The following SNRPN variants were observed in gnomAD, a reference collection of about 807,000 sequenced individuals.
SNRPN encodes the protein small nuclear ribonucleoprotein-associated protein N.
SNRPN carries 7 observed loss-of-function variants against 25.2 expected under a neutral mutation model. The ratio of observed to expected loss-of-function variants is 0.28; its 90% CI spans 0.16 to 0.52. The LOEUF is 0.52. Among genes scored for constraint, SNRPN ranks in the 20% least tolerant of loss-of-function variants. The pLI is 0.96. For synonymous variants in SNRPN, 124 were observed against 110.6 expected, an observed-to-expected ratio of 1.12 and a Z score of -0.76; for missense variants, 196 against 322.5, an observed-to-expected ratio of 0.61 and a Z score of 3.00.
At chr15:24,908,355 A>G (rs2058989905) in intron 2 of SNRPN, among the ~76,000 whole-genome samples, 1 of 152,196 alleles carries the variant, frequency 6.6e-6, no homozygotes, top group Non-Finnish European at 1.5e-5. Context: ...TTGGAAGTGC[A>G]TGCTAGAAGA....
In SNRPN at chr15:24,834,024, C is replaced by G. The variant is rs1247267162; in HGVS notation, c.-579+4119C>G. ...CACTGCAACCTCCACCTACCAGATT[C>G]AAGTGATTCTCTTGCCTCAGCCTCC... is the stretch of plus-strand genomic sequence containing the variant. On this transcript the variant is annotated intron_variant, in intron 2 of 12. Coordinates refer to the SNRPN transcript ENST00000400100. Among the ~76,000 whole-genome samples the G allele has an allele frequency of 3.3e-5, 5 of 152,230 alleles. No homozygotes were observed. The East Asian group carries it at 9.7e-4, about 29-fold the overall frequency.
At chr15:24,824,782 A>G (rs1251779296) in intron 1 of SNRPN, among the ~76,000 whole-genome samples, 1 of 140,796 alleles carries the variant, frequency 7.1e-6, no homozygotes, top group African/African-American at 2.6e-5. Context: ...CTAGATGGCA[A>G]GTAAAGATAG....
At chr15:24,885,059 A>G (rs2057076013) in intron 1 of SNRPN, among the ~76,000 whole-genome samples, 1 of 152,196 alleles carries the variant, frequency 6.6e-6, no homozygotes, top group Non-Finnish European at 1.5e-5. Flanking sequence ...TGAGAGCATG[A>G]CAAAATTTAC....
intron 1 of SNRPN, among the ~76,000 whole-genome samples, chr15:24,882,526 A>G (rs1036361683): frequency 2.0e-5 from 3 of 152,150 alleles, no homozygotes; most frequent in African/African-American, 7.2e-5. Context: ...CCCATCATAA[A>G]TTGAAAGTAT....
In SNRPN at chr15:24,897,763, C is replaced by T. The variant is rs372366319; in HGVS notation, c.-505+11174C>T. 7.9e-5 allele frequency among the ~76,000 whole-genome samples: 12 copies of T among 152,136 alleles called. No individual in the cohort carries two copies. The East Asian group carries it at 9.6e-4, about 12-fold the overall frequency. On this transcript the variant is annotated intron_variant, in intron 2 of 11. Coordinates refer to the SNRPN transcript ENST00000400097. Reference sequence around the variant, plus strand: ...ATAAATGGGAGTTCCCCTGCACAAGCGCTCTTGCCTGCCACCATGTAACAT... The same window carrying T: ...ATAAATGGGAGTTCCCCTGCACAAGTGCTCTTGCCTGCCACCATGTAACAT...
At chr15:24,961,619 A>C (rs570040688) in intron 1 of SNRPN, among the ~76,000 whole-genome samples, 24 of 152,266 alleles carry the variant, frequency 1.6e-4, no homozygotes, top group African/African-American at 5.8e-4. Flanking sequence ...TGCTTTGCAA[A>C]TCCTAAAGAA....
intron 1 of SNRPN, among the ~76,000 whole-genome samples, chr15:24,876,049 G>A (rs1308556942): frequency 7.5e-6 from 1 of 133,494 alleles, no homozygotes; most frequent in Non-Finnish European, 1.6e-5. Flanking sequence ...GTGATACTTT[G>A]TCTCAAAAAA....
At position 24,875,036 on chromosome 15, in the gene SNRPN, G is replaced by A. The variant is rs371283449; in HGVS notation, c.-578-11480G>A. ...AAGATGTATTTGTCCTATAGTCTAC[G>A]AATTTATTCCTATATTGTGACATAA... On this transcript the variant is annotated intron_variant, in intron 1 of 11. Coordinates refer to the SNRPN transcript ENST00000400097. Among the ~76,000 whole-genome samples, 10 of 152,168 alleles carry A rather than the reference G, an allele frequency of 6.6e-5. No homozygotes were observed. The South Asian group carries it at 1.2e-3, about 19-fold the overall frequency.
chr15:24,954,849 G>A, upstream of SNRPN: 2 of 702,216 alleles, frequency 2.8e-6, no homozygotes, highest in East Asian at 2.7e-5. Flanking sequence ...CCTCCCCCCA[G>A]GTCATTCCGG....
chr15:24,954,818 GC>G, upstream of SNRPN: 1 of 609,572 alleles, frequency 1.6e-6, no homozygotes, highest in Non-Finnish European at 2.9e-6. Flanking sequence ...GTGCTGTGGG[GC>G]CCTAGGGGTC....
In SNRPN at chr15:24,977,888, A is replaced by T. The variant is rs765419900; in HGVS notation, c.531A>T (p.Pro177=). The part of the protein sequence containing the change: ...QYPPGRGTPP[P]PVGRATPPPG... ...CACCAGGACGGGGCACTCCGCCCCC[A>T]CCCGTCGGCAGAGCAACCCCACCTC... The change falls in exon 8 of 10, where the codon CCA becomes CCT. Residue 177 remains proline (P), a synonymous_variant. Coordinates refer to ENST00000390687, the MANE Select transcript of SNRPN (RefSeq NM_003097.6). 4 of 1,582,316 alleles carry T rather than the reference A, an allele frequency of 2.5e-6. No individual in the cohort carries two copies. The African/African-American group carries it at 5.4e-5, about 22-fold the overall frequency.
At chr15:24,933,124 A>C (rs1236630085) in intron 3 of SNRPN, among the ~76,000 whole-genome samples, 2 of 152,052 alleles carry the variant, frequency 1.3e-5, no homozygotes, top group African/African-American at 4.8e-5. Flanking sequence ...CCGGGCTTGG[A>C]GGTGCGTGCT....
At chr15:24,956,354 C>CGGCGGG (rs66513284) in intron 1 of SNRPN, among the ~76,000 whole-genome samples, 1 of 138,158 alleles carries the variant, frequency 7.2e-6, no homozygotes, top group Admixed American at 7.7e-5. Context: ...AGCGCTTCAG[C>CGGCGGG]GGGGGGGTGG....
In SNRPN at chr15:24,914,193, CTTAA is replaced by C. The variant is rs940569115; in HGVS notation, c.-504-5815_-504-5812del. 9.9e-4 allele frequency among the ~76,000 whole-genome samples: 150 copies of C among 152,248 alleles called. 1 individual carries two copies. The highest frequency in any genetic ancestry group is 3.5e-3 in the African/African-American group (147 of 41,548). The stretch of plus-strand genomic sequence containing the variant: ...AAAAACTTCCCTGCATCTGCTTCTT[CTTAA>C]TTGTCTTCAGCTCAACAATGCTTCC... On this transcript the variant is annotated intron_variant, in intron 2 of 11. Coordinates refer to the SNRPN transcript ENST00000400097.
upstream of SNRPN, among the ~76,000 whole-genome samples, chr15:24,852,539 T>A (rs2052959492): frequency 6.6e-6 from 1 of 152,228 alleles, no homozygotes. Flanking sequence ...TGGTTTCTCA[T>A]AATTAGACTA....
intron 3 of SNRPN, among the ~76,000 whole-genome samples, chr15:24,949,055 T>A (rs1013304418): frequency 2.4e-5 from 3 of 123,326 alleles, no homozygotes; most frequent in Non-Finnish European, 3.2e-5. Flanking sequence ...AGAGTCTCAC[T>A]CTCTCACCTA....
intron 2 of SNRPN, chr15:24,909,148 T>C (rs2059047271): frequency 2.2e-6 from 3 of 1,361,410 alleles, no homozygotes; most frequent in Admixed American, 1.7e-5. Flanking sequence ...TCTTTATGTA[T>C]TGAGAGAACT....
Position 24,978,322 on chromosome 15 carries a change from A to G in SNRPN, c.685+4A>G. ...CCCCCTCCACCAGGCATTAGAGGTG[A>G]GTGGGAGCATAGGGGTTTGATGGTT... On this transcript the variant is annotated splice_donor_region_variant and intron_variant, in intron 9 of 9. Coordinates refer to ENST00000390687, the MANE Select transcript of SNRPN (RefSeq NM_003097.6). 6.2e-7 allele frequency: 1 copy of G among 1,614,008 alleles called. No homozygotes were observed. Among genetic ancestry groups the G allele is most frequent in the Non-Finnish European group, 8.5e-7 (1 of 1,179,958 alleles).
rs187825892 is a variant in SNRPN at position 24,890,989 on chromosome 15, C to A, written c.-505+4400C>A. Among the ~76,000 whole-genome samples, 60 of 152,218 alleles carry A rather than the reference C, an allele frequency of 3.9e-4. 1 individual carries two copies. In the East Asian group the frequency reaches 0.011, roughly 28 times the overall value. ...GCAGTGTCATGATCTCAGCTCACTGCAACCTCCACCACCCAGGTCCAATCA... is the reference window on the plus strand; with the variant it reads ...GCAGTGTCATGATCTCAGCTCACTGAAACCTCCACCACCCAGGTCCAATCA... On this transcript the variant is annotated intron_variant, in intron 2 of 11. Coordinates refer to the SNRPN transcript ENST00000400097.
Sources: gnomAD v4.1 joint callset for allele counts (sites outside exome capture counted in the v4.1 genomes callset) on GRCh38, gnomAD v4.1.1 for gene constraint, MANE v1.5 for transcripts, NCBI Gene and HGNC (gene_info 2026-07-23, HGNC 2026-07-21) for gene names.